The following UBE2G1 variants were observed in gnomAD, a reference collection of about 807,000 sequenced individuals.
UBE2G1 encodes the protein ubiquitin-conjugating enzyme E2 G1.
Under a neutral mutation model 22.7 loss-of-function variants are expected in UBE2G1, and 5 were observed. That is an observed-to-expected ratio of 0.22 (90% CI 0.12 to 0.46). The LOEUF (loss-of-function observed/expected upper bound fraction) is 0.46. UBE2G1 is among the 20% of genes least tolerant of loss of function. UBE2G1 has a pLI of 0.99. For missense variants in UBE2G1, 88 were observed against 203.9 expected (o/e 0.43, Z 3.46); for synonymous variants, 74 against 67.5 (o/e 1.10, Z -0.47).
rs925812165 is a variant in UBE2G1 at position 4,271,950 on chromosome 17, C to G, written c.*604G>C. 6.6e-6 allele frequency: 1 copy of G among 152,568 alleles called. No individual in the cohort carries two copies. Among genetic ancestry groups the G allele is most frequent in the African/African-American group, 2.4e-5 (1 of 41,422 alleles). 9.5% of individuals were successfully genotyped at this position (152,568 alleles called of 1,614,324 possible). ...CTCATTAAGTATTTCAGTATTTGAACTAAATCATTTGAGAACATTCTGGCA... is the reference window on the plus strand; with the variant it reads ...CTCATTAAGTATTTCAGTATTTGAAGTAAATCATTTGAGAACATTCTGGCA... On this transcript the variant is annotated 3_prime_UTR_variant, in exon 6 of 6. Transcript: ENST00000396981.
At chr17:4,340,785 TTAAA>T (rs1969702224) in intron 1 of UBE2G1, among the ~76,000 whole-genome samples, 3 of 151,604 alleles carry the variant, frequency 2.0e-5, no homozygotes, top group African/African-American at 7.3e-5. Context: ...TTATTTTTTC[TTAAA>T]TAGAGATGGG....
intron 1 of UBE2G1, among the ~76,000 whole-genome samples, chr17:4,354,102 T>C (rs577666222): frequency 6.6e-6 from 1 of 152,230 alleles, no homozygotes; most frequent in African/African-American, 2.4e-5. Context: ...TTGTCTTGCT[T>C]GTTCTTTTCC....
At chr17:4,304,677 G>T (rs141971528) in intron 2 of UBE2G1, among the ~76,000 whole-genome samples, 5 of 152,016 alleles carry the variant, frequency 3.3e-5, no homozygotes, top group Non-Finnish European at 4.4e-5. Context: ...ACAGAATTTT[G>T]GTACAGTATT....
intron 1 of UBE2G1, among the ~76,000 whole-genome samples, chr17:4,348,312 G>A (rs1251823645): frequency 7.2e-5 from 11 of 151,974 alleles, no homozygotes; most frequent in African/African-American, 2.7e-4. Flanking sequence ...CCAGCACTTT[G>A]GGAGGCCGAG....
At chr17:4,333,805 T>A (rs1969612364) in intron 1 of UBE2G1, among the ~76,000 whole-genome samples, 1 of 151,856 alleles carries the variant, frequency 6.6e-6, no homozygotes, top group Non-Finnish European at 1.5e-5. Flanking sequence ...GGTGACACAG[T>A]GAGACTCCGT....
intron 1 of UBE2G1, among the ~76,000 whole-genome samples, chr17:4,352,374 CG>C (rs926441483): frequency 7.2e-5 from 11 of 152,078 alleles, no homozygotes; most frequent in Non-Finnish European, 1.6e-4. Flanking sequence ...GGATTACAGG[CG>C]TGAGCCACTG....
At chr17:4,300,806 C>G (rs758753699) in intron 2 of UBE2G1, among the ~76,000 whole-genome samples, 2 of 146,022 alleles carry the variant, frequency 1.4e-5, no homozygotes, top group South Asian at 4.4e-4. Context: ...CTACTAAAAA[C>G]TACAAAAATT....
intron 1 of UBE2G1, among the ~76,000 whole-genome samples, chr17:4,356,346 GA>G (rs1390718195): frequency 6.6e-6 from 1 of 151,466 alleles, no homozygotes. Context: ...CGACAAGAGC[GA>G]AACTGTCTCA....
intron 4 of UBE2G1, among the ~76,000 whole-genome samples, chr17:4,287,758 G>T (rs1207155820): frequency 6.6e-6 from 1 of 152,034 alleles, no homozygotes; most frequent in Non-Finnish European, 1.5e-5. Flanking sequence ...AGAAAAAAAG[G>T]CTTTTCAAAG....
intron 1 of UBE2G1, among the ~76,000 whole-genome samples, chr17:4,342,097 C>A (rs1482675409): frequency 6.6e-6 from 1 of 152,202 alleles, no homozygotes; most frequent in Non-Finnish European, 1.5e-5. Context: ...CTAAGCTAAA[C>A]CTCCTCACTG....
At chr17:4,318,857 A>G (rs1370804247) in intron 1 of UBE2G1, among the ~76,000 whole-genome samples, 1 of 152,228 alleles carries the variant, frequency 6.6e-6, no homozygotes, top group East Asian at 1.9e-4. Flanking sequence ...ATTCACTTTA[A>G]GTTCATTTCA....
At chr17:4,295,703 A>C (rs1969101815) in intron 3 of UBE2G1, among the ~76,000 whole-genome samples, 1 of 152,046 alleles carries the variant, frequency 6.6e-6, no homozygotes, top group Admixed American at 6.6e-5. Context: ...AAGTTCAGAG[A>C]GACTGTTTTA....
intron 1 of UBE2G1, among the ~76,000 whole-genome samples, chr17:4,365,436 G>A (rs1312581010): frequency 6.6e-6 from 1 of 152,234 alleles, no homozygotes; most frequent in African/African-American, 2.4e-5. Context: ...GCCGGAGGCC[G>A]GGACAATGGG....
chr17:4,365,867 GGGTCCGGACGCTCCAGCCGGCCCCGAA>G (rs1970027962), intron 1 of UBE2G1, among the ~76,000 whole-genome samples: 1 of 152,122 alleles, frequency 6.6e-6, no homozygotes, highest in Non-Finnish European at 1.5e-5. Flanking sequence ...CAGCCGCACT[GGGTCCGGACGCTCCAGCCGGCCCCGAA>G]GGTCCGGCGG....
intron 1 of UBE2G1, among the ~76,000 whole-genome samples, chr17:4,324,800 G>A (rs575243619): frequency 9.9e-5 from 15 of 152,152 alleles, no homozygotes; most frequent in East Asian, 5.8e-4. Flanking sequence ...GTTTAAGGCC[G>A]GGCGCGGTGG....
chr17:4,349,308 G>C lies in UBE2G1; in HGVS notation c.46+16963C>G, dbSNP rs548810709. Among the ~76,000 whole-genome samples the C allele has an allele frequency of 3.2e-4, 49 of 152,254 alleles. 1 individual carries two copies. The highest frequency in any genetic ancestry group is 2.1e-3 in the Admixed American group (32 of 15,296). ...GCACTCCAGCCTAGGACTACCATGA[G>C]AATGGTGTGACACCATATATGTTTT... On this transcript the variant is annotated intron_variant, in intron 1 of 5. Transcript: ENST00000396981.
At chr17:4,295,167 A>G (rs76751914) in intron 3 of UBE2G1, among the ~76,000 whole-genome samples, 3,630 of 152,332 alleles carry the variant, frequency 0.024, 129 homozygotes, top group African/African-American at 0.083. Context: ...TGAAGGTAGA[A>G]GAAACTGTCG....
chr17:4,365,665 A>C (rs1027493906), intron 1 of UBE2G1, among the ~76,000 whole-genome samples: 8 of 152,042 alleles, frequency 5.3e-5, no homozygotes, highest in African/African-American at 1.9e-4. Context: ...GAGGCAGGCG[A>C]GGCGGCGATC....
At chr17:4,291,206 C>G (rs1380099818) in intron 3 of UBE2G1, among the ~76,000 whole-genome samples, 1 of 151,996 alleles carries the variant, frequency 6.6e-6, no homozygotes, top group Non-Finnish European at 1.5e-5. Flanking sequence ...ACTAAAAATA[C>G]AAAATTAGCT....
Sources: allele counts gnomAD v4.1 joint callset (sites outside exome capture counted in the v4.1 genomes callset), GRCh38; gene constraint gnomAD v4.1.1; transcripts MANE v1.5; gene names NCBI Gene and HGNC (gene_info 2026-07-23, HGNC 2026-07-21).